Variants in PHF14 observed in about 807,000 individuals in gnomAD.
The protein encoded by PHF14 is PHD finger protein 14.
In PHF14, 55 loss-of-function variants were observed where a neutral mutation model predicts 117.9. That is an observed-to-expected ratio of 0.47 (90% CI 0.38 to 0.58). The LOEUF is 0.58. Ranked by LOEUF, PHF14 falls within the 20% of genes least tolerant of loss-of-function variation. The probability of loss-of-function intolerance (pLI) is 0.00; values close to 1 mark genes in which losing one functional copy is unlikely to be tolerated. For synonymous variants in PHF14, 409 were observed against 368.6 expected (o/e 1.11, Z -1.26); for missense variants, 978 against 1,122.2 (o/e 0.87, Z 1.84).
At chr7:11,068,439 G>A (rs919575793) in intron 16 of PHF14, among the ~76,000 whole-genome samples, 6 of 151,582 alleles carry the variant, frequency 4.0e-5, no homozygotes, top group Admixed American at 6.6e-5. Flanking sequence ...AGTTACAGAA[G>A]GGTACAAATA....
At chr7:11,050,391 T>C (rs1784819797) in intron 13 of PHF14, among the ~76,000 whole-genome samples, 2 of 152,204 alleles carry the variant, frequency 1.3e-5, no homozygotes, top group African/African-American at 2.4e-5. Context: ...GATCATTCTT[T>C]TACATTTGAA....
chr7:11,120,933 A>T (rs921520740), intron 17 of PHF14, among the ~76,000 whole-genome samples: 8 of 152,178 alleles, frequency 5.3e-5, no homozygotes, highest in Non-Finnish European at 1.0e-4. Flanking sequence ...TATCCAAGAA[A>T]TTTTTCTTAG....
At chr7:11,131,559 A>G (rs1788090598) in intron 17 of PHF14, among the ~76,000 whole-genome samples, 1 of 151,806 alleles carries the variant, frequency 6.6e-6, no homozygotes, top group Non-Finnish European at 1.5e-5. Flanking sequence ...CCTTTATCAG[A>G]TATGTGGTTT....
intron 13 of PHF14, among the ~76,000 whole-genome samples, chr7:11,047,876 A>G (rs1033953917): frequency 8.1e-6 from 1 of 123,098 alleles, no homozygotes; most frequent in Admixed American, 8.7e-5. Flanking sequence ...AAAGAGAGGA[A>G]GGAAGGGAGG....
At chr7:10,988,016 C>CCCAA (rs1554299508) in intron 3 of PHF14, among the ~76,000 whole-genome samples, 1 of 115,644 alleles carries the variant, frequency 8.6e-6, no homozygotes, top group African/African-American at 3.2e-5. Flanking sequence ...AACTCCTTCT[C>CCCAA]AAAAAAAAAA....
chr7:10,974,306 C>G lies in PHF14; in HGVS notation c.-18C>G. On this transcript the variant is annotated 5_prime_UTR_variant, in exon 1 of 18. Transcript: ENST00000634607. ...CTCTCCCTAAGTCTTCTCCAAACGACCACCTCACGGATTCCTTAGTAAGTG... is the reference window on the plus strand; with the variant it reads ...CTCTCCCTAAGTCTTCTCCAAACGAGCACCTCACGGATTCCTTAGTAAGTG... The G allele has an allele frequency of 6.3e-7, 1 of 1,588,538 alleles. No homozygotes were observed.
chr7:11,072,195 A>AG (rs1240632438), intron 16 of PHF14, among the ~76,000 whole-genome samples: 1 of 152,152 alleles, frequency 6.6e-6, no homozygotes, highest in Admixed American at 6.5e-5. Flanking sequence ...CAGAAAGCAA[A>AG]GGGGGTAAAG....
chr7:11,064,626 A>T (rs1008408174), intron 16 of PHF14, among the ~76,000 whole-genome samples: 2 of 152,042 alleles, frequency 1.3e-5, no homozygotes, highest in African/African-American at 4.8e-5. Flanking sequence ...TTCAGGCTAT[A>T]TAGAAAATTC....
chr7:11,073,899 T>C (rs1347885290), intron 16 of PHF14, among the ~76,000 whole-genome samples: 2 of 152,162 alleles, frequency 1.3e-5, no homozygotes, highest in African/African-American at 4.8e-5. Context: ...TACCTGGTGA[T>C]GTGAGCTGTA....
intron 16 of PHF14, among the ~76,000 whole-genome samples, chr7:11,090,048 G>A (rs929355745): frequency 6.6e-5 from 10 of 152,206 alleles, no homozygotes; most frequent in African/African-American, 2.2e-4. Context: ...TGGGATTACA[G>A]GCGTGAGCCA....
chr7:11,018,249 A>G (rs1348000269), intron 5 of PHF14, among the ~76,000 whole-genome samples: 1 of 152,082 alleles, frequency 6.6e-6, no homozygotes, highest in Non-Finnish European at 1.5e-5. Flanking sequence ...GTGGTTCCGT[A>G]TACATTTTAG....
chr7:11,146,236 AC>A (rs1365612509), intron 17 of PHF14, among the ~76,000 whole-genome samples: 4 of 152,156 alleles, frequency 2.6e-5, no homozygotes. Context: ...AAAATATGCC[AC>A]AGGAATATCA....
At chr7:11,131,134 A>G (rs924962432) in intron 17 of PHF14, among the ~76,000 whole-genome samples, 2 of 151,924 alleles carry the variant, frequency 1.3e-5, no homozygotes, top group Non-Finnish European at 2.9e-5. Flanking sequence ...GAATAACGCT[A>G]CTATAAACAT....
intron 16 of PHF14, among the ~76,000 whole-genome samples, chr7:11,092,177 C>T (rs748181126): frequency 6.6e-6 from 1 of 152,114 alleles, no homozygotes; most frequent in Non-Finnish European, 1.5e-5. Flanking sequence ...TTGTCTTTTA[C>T]CCCCTTTATC....
intron 4 of PHF14, among the ~76,000 whole-genome samples, chr7:11,007,031 G>T (rs544458109): frequency 6.6e-6 from 1 of 152,092 alleles, no homozygotes; most frequent in Admixed American, 6.5e-5. Context: ...CAAAAAATTT[G>T]CCAGGTGTGG....
intron 13 of PHF14, among the ~76,000 whole-genome samples, chr7:11,048,593 T>C (rs893685992): frequency 6.6e-6 from 1 of 152,118 alleles, no homozygotes. Context: ...AAAATAATTA[T>C]TTGATTTCAT....
intron 5 of PHF14, among the ~76,000 whole-genome samples, chr7:11,014,533 G>A (rs1783458644): frequency 6.6e-6 from 1 of 152,056 alleles, no homozygotes; most frequent in Admixed American, 6.6e-5. Context: ...GAGGGCCATG[G>A]AAAAATGATC....
At chr7:10,996,426 G>A (rs1047136721) in intron 4 of PHF14, among the ~76,000 whole-genome samples, 1 of 152,118 alleles carries the variant, frequency 6.6e-6, no homozygotes, top group Non-Finnish European at 1.5e-5. Context: ...AGGAGATGGG[G>A]AACACATGGC....
At chr7:11,006,185 C>T (rs987983517) in intron 4 of PHF14, among the ~76,000 whole-genome samples, 2 of 152,170 alleles carry the variant, frequency 1.3e-5, no homozygotes, top group African/African-American at 4.8e-5. Flanking sequence ...TACTTGATAA[C>T]ATTGCATATT....
Sources: allele counts gnomAD v4.1 joint callset (sites outside exome capture counted in the v4.1 genomes callset), GRCh38; gene constraint gnomAD v4.1.1; transcripts MANE v1.5; gene names NCBI Gene and HGNC (gene_info 2026-07-23, HGNC 2026-07-21).